The following AHCYL2 variants were observed in gnomAD, a reference collection of about 807,000 sequenced individuals.
AHCYL2 encodes adenosylhomocysteinase like 2.
AHCYL2 carries 28 observed loss-of-function variants against 81.4 expected under a neutral mutation model. The observed-to-expected ratio is 0.34, with a 90% CI of 0.25 to 0.47. The LOEUF (loss-of-function observed/expected upper bound fraction) is 0.47, where lower values mean the gene tolerates loss of function less well. AHCYL2 is among the 20% of genes least tolerant of loss of function. AHCYL2 has a pLI of 1.00. For synonymous variants in AHCYL2, 272 were observed against 290.2 expected (o/e 0.94, Z 0.64); for missense variants, 551 against 785.1 (o/e 0.70, Z 3.56).
intron 1 of AHCYL2, among the ~76,000 whole-genome samples, chr7:129,356,324 C>T (rs1295255930): frequency 1.3e-5 from 2 of 152,146 alleles, no homozygotes; most frequent in African/African-American, 4.8e-5. Context: ...CATATTACTG[C>T]CCTACTTAGA....
intron 8 of AHCYL2, 54 bp downstream of exon 8, chr7:129,405,267 T>A: frequency 7.2e-7 from 1 of 1,384,978 alleles, no homozygotes; most frequent in Non-Finnish European, 9.9e-7. Context: ...AGATTCTAAG[T>A]TTTTTGGCTT....
chr7:129,244,378 GTCTTTTCTCTGTGATAC>G (rs1794974767), intron 1 of AHCYL2, among the ~76,000 whole-genome samples: 1 of 152,052 alleles, frequency 6.6e-6, no homozygotes, highest in African/African-American at 2.4e-5. Flanking sequence ...GACTGAGTAT[GTCTTTTCTCTGTGATAC>G]GTGTCATAGT....
chr7:129,272,785 A>T (rs1408150948), intron 1 of AHCYL2, among the ~76,000 whole-genome samples: 1 of 152,232 alleles, frequency 6.6e-6, no homozygotes, highest in African/African-American at 2.4e-5. Context: ...GAACTAAAAA[A>T]TGAACTACTA....
chr7:129,229,259 G>C (rs1454580165), intron 1 of AHCYL2, among the ~76,000 whole-genome samples: 1 of 152,114 alleles, frequency 6.6e-6, no homozygotes, highest in Non-Finnish European at 1.5e-5. Context: ...TAGAGATGAA[G>C]TTTCTCCATG....
intron 7 of AHCYL2, 92 bp from the exon 8 acceptor site, chr7:129,405,005 A>G (rs1796232247): frequency 2.8e-6 from 2 of 716,306 alleles, no homozygotes; most frequent in South Asian, 4.3e-5. Flanking sequence ...TCTCATGCCT[A>G]CCCAATCAAC....
At chr7:129,301,548 G>A (rs534194453) in intron 1 of AHCYL2, among the ~76,000 whole-genome samples, 1 of 152,026 alleles carries the variant, frequency 6.6e-6, no homozygotes, top group Middle Eastern at 3.2e-3. Context: ...ATATGTGAGA[G>A]ATAGAGGTCT....
chr7:129,412,060 A>G (rs1228269009), intron 11 of AHCYL2, among the ~76,000 whole-genome samples: 1 of 151,704 alleles, frequency 6.6e-6, no homozygotes, highest in Non-Finnish European at 1.5e-5. Context: ...TGTTTTTAAC[A>G]TTTTCAGGCT....
chr7:129,336,219 C>T (rs1470451585), intron 1 of AHCYL2, among the ~76,000 whole-genome samples: 1 of 151,976 alleles, frequency 6.6e-6, no homozygotes, highest in African/African-American at 2.4e-5. Context: ...AGGTGCATGC[C>T]ACCATGCCTG....
intron 1 of AHCYL2, among the ~76,000 whole-genome samples, chr7:129,245,963 TATC>T (rs1795040741): frequency 6.6e-6 from 1 of 152,254 alleles, no homozygotes; most frequent in Non-Finnish European, 1.5e-5. Flanking sequence ...TTTACATTTC[TATC>T]ATCAGTGTAC....
chr7:129,387,064 C>T (rs1795237162), intron 2 of AHCYL2, among the ~76,000 whole-genome samples: 1 of 152,176 alleles, frequency 6.6e-6, no homozygotes, highest in South Asian at 2.1e-4. Context: ...CTTACTTAAT[C>T]TGCTTAACAA....
intron 1 of AHCYL2, among the ~76,000 whole-genome samples, chr7:129,360,426 A>G (rs1406552772): frequency 6.6e-6 from 1 of 152,188 alleles, no homozygotes; most frequent in African/African-American, 2.4e-5. Context: ...ACTATTCTTT[A>G]AATCATATAT....
At chr7:129,376,040 A>G in intron 1 of AHCYL2, 1 of 1,339,602 alleles carries the variant, frequency 7.5e-7, no homozygotes, top group Admixed American at 2.1e-5. Context: ...TCCCTCTGGC[A>G]TAAGGTGAGC....
intron 1 of AHCYL2, among the ~76,000 whole-genome samples, chr7:129,362,597 G>GTTTTTT (rs769346623): frequency 6.3e-5 from 4 of 63,630 alleles, no homozygotes; most frequent in African/African-American, 1.1e-4. Flanking sequence ...TGGTTTTCTT[G>GTTTTTT]TTTTTTTTTT....
At chr7:129,316,938 C>T (rs1797844567) in intron 1 of AHCYL2, among the ~76,000 whole-genome samples, 2 of 152,160 alleles carry the variant, frequency 1.3e-5, no homozygotes, top group South Asian at 4.1e-4. Context: ...ATGAAGAAGC[C>T]TTGAGCTGAT....
intron 1 of AHCYL2, among the ~76,000 whole-genome samples, chr7:129,341,981 CAG>C (rs962165287): frequency 5.9e-5 from 9 of 152,104 alleles, no homozygotes; most frequent in African/African-American, 2.2e-4. Context: ...TTAAACCACT[CAG>C]AAGAATGGTT....
intron 1 of AHCYL2, among the ~76,000 whole-genome samples, chr7:129,274,704 G>C (rs6974155): frequency 0.25 from 37,486 of 151,938 alleles, 4,681 homozygotes; most frequent in South Asian, 0.37. Flanking sequence ...CATAGAACCC[G>C]GTCACCATGC....
chr7:129,422,975 A>T (rs201345908), intron 13 of AHCYL2, 37 bp downstream of exon 13: 39 of 1,582,844 alleles, frequency 2.5e-5, no homozygotes, highest in Middle Eastern at 3.3e-4. Flanking sequence ...CCCCCACAAC[A>T]GGAGAGACTG....
At chr7:129,405,765 A>G in intron 8 of AHCYL2, 71 bp from the exon 9 acceptor site, 1 of 1,376,584 alleles carries the variant, frequency 7.3e-7, no homozygotes, top group South Asian at 1.5e-5. Flanking sequence ...ATGAAAACAA[A>G]GAGATTCAAT....
chr7:129,269,664 C>T (rs1382839641), intron 1 of AHCYL2, among the ~76,000 whole-genome samples: 2 of 152,072 alleles, frequency 1.3e-5, no homozygotes, highest in Non-Finnish European at 2.9e-5. Context: ...TTGAACTCCT[C>T]GGCTCAAGCA....
Sources: gnomAD v4.1 joint callset for allele counts (sites outside exome capture counted in the v4.1 genomes callset) on GRCh38, gnomAD v4.1.1 for gene constraint, MANE v1.5 for transcripts, NCBI Gene and HGNC (gene_info 2026-07-23, HGNC 2026-07-21) for gene names.